The following DOK5 variants were observed in gnomAD, a reference collection of about 807,000 sequenced individuals.
DOK5 encodes the protein docking protein 5.
A neutral mutation model predicts 43.3 loss-of-function variants in DOK5; 27 were observed. That is an observed-to-expected ratio of 0.62 (90% CI 0.46 to 0.86). DOK5 has a LOEUF of 0.86. Ranked by LOEUF, DOK5 falls within the 40% of genes least tolerant of loss-of-function variation. The probability of loss-of-function intolerance (pLI) is 0.00; values close to 1 mark genes in which losing one functional copy is unlikely to be tolerated. For missense variants in DOK5, 373 were observed against 392.9 expected (o/e 0.95, Z 0.43); for synonymous variants, 146 against 140.1 (o/e 1.04, Z -0.30).
chr20:54,613,715 T>G (rs538809470), intron 6 of DOK5, among the ~76,000 whole-genome samples: 1 of 152,326 alleles, frequency 6.6e-6, no homozygotes, highest in Non-Finnish European at 1.5e-5. Context: ...GCATCAAGGT[T>G]GGGTACGGTG....
intron 1 of DOK5, among the ~76,000 whole-genome samples, chr20:54,507,281 C>T (rs1333703065): frequency 6.6e-6 from 1 of 152,112 alleles, no homozygotes; most frequent in African/African-American, 2.4e-5. Flanking sequence ...TGTTCTACAG[C>T]AGCACTGTCC....
At chr20:54,551,766 T>G (rs920908642) in intron 1 of DOK5, among the ~76,000 whole-genome samples, 2 of 152,232 alleles carry the variant, frequency 1.3e-5, no homozygotes, top group Non-Finnish European at 2.9e-5. Context: ...ATTGACTAAT[T>G]ATACTAATAC....
Position 54,636,700 on chromosome 20 carries a change from C to A in DOK5, c.736-6758C>A, listed in dbSNP as rs80099056. ...GTGAGATTGATTTGACTAATAACTC[C>A]ATTTCCCACGTGGTGTGTCTGACCT... On this transcript the variant is annotated intron_variant, in intron 6 of 7. Transcript: ENST00000262593. Among the ~76,000 whole-genome samples, 763 of 152,342 alleles carry A rather than the reference C, an allele frequency of 5.0e-3. 5 individuals carry two copies. Among genetic ancestry groups the A allele is most frequent in the African/African-American group, 0.018 (732 of 41,562 alleles).
chr20:54,533,113 C>T (rs1466718998), intron 1 of DOK5, among the ~76,000 whole-genome samples: 1 of 152,172 alleles, frequency 6.6e-6, no homozygotes, highest in Non-Finnish European at 1.5e-5. Flanking sequence ...TGCCTAATGC[C>T]TTCCTTTTCT....
At position 54,475,973 on chromosome 20, in the gene DOK5, G is replaced by A. The variant is rs1397678070; in HGVS notation, c.27G>A (p.Val9=). MASNFNDI[V]KQGYVRIRSR... ...TGGCTTCCAATTTTAATGACATAGTGAAGCAAGGGTACGTGAGGATCCGGA... is the reference window on the plus strand; with the variant it reads ...TGGCTTCCAATTTTAATGACATAGTAAAGCAAGGGTACGTGAGGATCCGGA... Residue 9 remains valine, a synonymous_variant, in exon 1 of 8, where the codon GTG becomes GTA. Coordinates refer to ENST00000262593, the MANE Select transcript of DOK5 (RefSeq NM_018431.5). The surrounding 1 kb of genome is among the most constrained non-coding windows in gnomAD (Gnocchi z 4.2). The A allele has an allele frequency of 1.2e-6, 2 of 1,613,532 alleles. No homozygotes were observed. The highest frequency in any genetic ancestry group is 2.2e-5 in the South Asian group (2 of 90,780).
chr20:54,604,209 G>A (rs1050477124), intron 5 of DOK5, among the ~76,000 whole-genome samples: 4 of 151,758 alleles, frequency 2.6e-5, no homozygotes, highest in African/African-American at 9.7e-5. Flanking sequence ...GCCTCCCTAA[G>A]TACTGGGATT....
intron 1 of DOK5, among the ~76,000 whole-genome samples, chr20:54,514,858 C>T (rs1273135937): frequency 1.3e-5 from 2 of 151,888 alleles, no homozygotes; most frequent in Non-Finnish European, 2.9e-5. Context: ...CCTGCCTTCC[C>T]CCATTTCTCC....
Position 54,501,983 on chromosome 20 carries a change from T to C in DOK5, c.66+25971T>C, listed in dbSNP as rs374233902. Among the ~76,000 whole-genome samples the C allele has an allele frequency of 8.5e-5, 13 of 152,366 alleles. No homozygotes were observed. In the East Asian group the frequency reaches 2.5e-3, roughly 29 times the overall value. The stretch of plus-strand genomic sequence containing the variant: ...ATGGAAAGCATTGAATTTGGTTTTG[T>C]GGCTTATGCTCTTTATCAATTATAT... On this transcript the variant is annotated intron_variant, in intron 1 of 7. Coordinates refer to ENST00000262593, the MANE Select transcript of DOK5 (RefSeq NM_018431.5).
chr20:54,523,629 G>A (rs559144811), intron 1 of DOK5, among the ~76,000 whole-genome samples: 13 of 152,126 alleles, frequency 8.5e-5, no homozygotes, highest in African/African-American at 3.1e-4. Context: ...CTTTGAGATG[G>A]AGTTTTGTTC....
chr20:54,568,544 C>A (rs966328368), intron 2 of DOK5, among the ~76,000 whole-genome samples: 1 of 152,198 alleles, frequency 6.6e-6, no homozygotes, highest in Admixed American at 6.5e-5. Context: ...TGGAAATCTA[C>A]TAATCGGTTT....
intron 1 of DOK5, among the ~76,000 whole-genome samples, chr20:54,494,223 C>T (rs1280668397): frequency 6.6e-6 from 1 of 152,196 alleles, no homozygotes; most frequent in East Asian, 1.9e-4. Flanking sequence ...TATTGTTGTA[C>T]TCTTAATGTT....
chr20:54,498,760 G>A (rs1259651477), intron 1 of DOK5, among the ~76,000 whole-genome samples: 1 of 152,058 alleles, frequency 6.6e-6, no homozygotes, highest in Non-Finnish European at 1.5e-5. Context: ...ATGTTCTATT[G>A]AGCTTATTTT....
intron 2 of DOK5, among the ~76,000 whole-genome samples, chr20:54,564,422 C>T (rs777649617): frequency 2.0e-5 from 3 of 151,670 alleles, no homozygotes; most frequent in Non-Finnish European, 4.4e-5. Context: ...CAAAGCAAGA[C>T]TCCGTCAAAA....
At chr20:54,580,202 G>A (rs986702396) in intron 2 of DOK5, among the ~76,000 whole-genome samples, 3 of 152,076 alleles carry the variant, frequency 2.0e-5, no homozygotes, top group Non-Finnish European at 2.9e-5. Context: ...CAAAAAGTGG[G>A]CAAAGAATAT....
intron 1 of DOK5, among the ~76,000 whole-genome samples, chr20:54,530,863 A>G (rs1004576231): frequency 3.3e-5 from 5 of 152,186 alleles, no homozygotes; most frequent in Non-Finnish European, 7.3e-5. Context: ...AAGAATATAT[A>G]TGACCCACAT....
chr20:54,574,691 G>A (rs150963909), intron 2 of DOK5, among the ~76,000 whole-genome samples: 2 of 152,288 alleles, frequency 1.3e-5, no homozygotes, highest in Non-Finnish European at 1.5e-5. Flanking sequence ...CAGGAAAAAT[G>A]TCCTCAGTCA....
At chr20:54,598,085 T>A (rs780470134) in intron 5 of DOK5, among the ~76,000 whole-genome samples, 12 of 152,206 alleles carry the variant, frequency 7.9e-5, no homozygotes, top group Non-Finnish European at 1.5e-4. Flanking sequence ...CACATACATC[T>A]TTCCAGGGCA....
intron 1 of DOK5, among the ~76,000 whole-genome samples, chr20:54,504,543 G>T (rs116388797): frequency 6.6e-6 from 1 of 152,142 alleles, no homozygotes; most frequent in African/African-American, 2.4e-5. Flanking sequence ...CTTTCTCAAC[G>T]TGAGGTTCTG....
intron 5 of DOK5, among the ~76,000 whole-genome samples, chr20:54,605,047 G>T (rs1430933003): frequency 9.0e-6 from 1 of 110,974 alleles, no homozygotes; most frequent in Non-Finnish European, 1.8e-5. Flanking sequence ...ACACACACAC[G>T]TATACACACA....
Sources: allele counts gnomAD v4.1 joint callset (sites outside exome capture counted in the v4.1 genomes callset), GRCh38; gene constraint gnomAD v4.1.1; non-coding constraint Gnocchi (gnomAD v3.1); transcripts MANE v1.5; gene names NCBI Gene and HGNC (gene_info 2026-07-23, HGNC 2026-07-21).